USP24: variants seen among roughly 807,000 people sequenced by gnomAD.
The protein encoded by USP24 is ubiquitin carboxyl-terminal hydrolase 24.
In USP24, 97 loss-of-function variants were observed where a neutral mutation model predicts 361.6. The observed-to-expected ratio is 0.27, with a 90% CI of 0.23 to 0.32. The LOEUF is 0.32. USP24 is among the 10% of genes least tolerant of loss of function. The pLI is 1.00. For missense variants in USP24, 2,353 were observed against 3,165.6 expected (o/e 0.74, Z 6.16); for synonymous variants, 1,098 against 1,124.6 (o/e 0.98, Z 0.47).
intron 56 of USP24, among the ~76,000 whole-genome samples, chr1:55,084,748 T>C (rs993867695): frequency 1.3e-5 from 2 of 152,138 alleles, no homozygotes; most frequent in Non-Finnish European, 2.9e-5. Flanking sequence ...CAAATAGACA[T>C]GAAAATCCAT....
intron 7 of USP24, 63 bp from the exon 8 acceptor site, chr1:55,162,327 A>G: frequency 7.1e-7 from 1 of 1,403,348 alleles, no homozygotes; most frequent in Non-Finnish European, 9.5e-7. Context: ...TCAAAATTAA[A>G]CAAATCCCTT....
intron 38 of USP24, among the ~76,000 whole-genome samples, chr1:55,110,876 A>T (rs1645929343): frequency 6.6e-6 from 1 of 152,112 alleles, no homozygotes; most frequent in South Asian, 2.1e-4. Context: ...TAGTTTTCTA[A>T]CTTCTAAAAT....
At chr1:55,180,484 C>T (rs1354352790) in intron 1 of USP24, among the ~76,000 whole-genome samples, 2 of 152,168 alleles carry the variant, frequency 1.3e-5, no homozygotes, top group Non-Finnish European at 2.9e-5. Flanking sequence ...GTCCAGCCTA[C>T]AGTCATCAAG....
intron 36 of USP24, 93 bp downstream of exon 36, chr1:55,123,354 T>TGGGA (rs1367240145): frequency 1.2e-5 from 17 of 1,371,982 alleles, no homozygotes; most frequent in Non-Finnish European, 1.5e-5. Flanking sequence ...TTTTGACCAA[T>TGGGA]GGGACCTTAT....
At chr1:55,121,377 G>C in intron 37 of USP24, 59 bp downstream of exon 37, 2 of 1,496,500 alleles carry the variant, frequency 1.3e-6, no homozygotes, top group Non-Finnish European at 1.8e-6. Context: ...AGGTAGTTGA[G>C]ACAGCTCACA....
chr1:55,123,839 T>C (rs184283236), intron 35 of USP24, among the ~76,000 whole-genome samples: 2 of 152,200 alleles, frequency 1.3e-5, no homozygotes, highest in Admixed American at 6.5e-5. Context: ...TTTCAGGCGA[T>C]AGAAGTGAAA....
chr1:55,207,574 T>C (rs545822969), intron 1 of USP24, among the ~76,000 whole-genome samples: 1 of 152,056 alleles, frequency 6.6e-6, no homozygotes, highest in South Asian at 2.1e-4. Flanking sequence ...CAAGAAACAA[T>C]ATGATGTAAC....
intron 1 of USP24, among the ~76,000 whole-genome samples, chr1:55,191,232 T>C (rs962604624): frequency 2.0e-5 from 3 of 152,170 alleles, no homozygotes; most frequent in Admixed American, 6.5e-5. Flanking sequence ...ATTGGTCAGT[T>C]TACGATTAAA....
At chr1:55,197,684 G>A (rs770904521) in intron 1 of USP24, among the ~76,000 whole-genome samples, 1 of 152,070 alleles carries the variant, frequency 6.6e-6, no homozygotes, top group Non-Finnish European at 1.5e-5. Context: ...ATTCTCTATT[G>A]TATCTCCAAT....
Position 55,147,001 on chromosome 1 carries a change from C to G in USP24, c.2178G>C (p.Leu726=), listed in dbSNP as rs767875647. Residue 726 remains leucine (L), a synonymous_variant, in exon 19 of 68, where the codon CTG becomes CTC. Transcript: ENST00000294383. ...AGATCTCCTTGGCACGATTCCAGCCCAGATACAGAGTAGCTTCTTGCAAGA... is the reference window on the plus strand; with the variant it reads ...AGATCTCCTTGGCACGATTCCAGCCGAGATACAGAGTAGCTTCTTGCAAGA... ...AFFLQEATLY[L]GWNRAKEIWE... 3.7e-6 allele frequency: 6 copies of G among 1,604,692 alleles called. No homozygotes were observed. The Admixed American group carries it at 6.9e-5, about 18-fold the overall frequency.
chr1:55,078,898 A>T (rs1270982311), intron 60 of USP24, among the ~76,000 whole-genome samples: 3 of 151,996 alleles, frequency 2.0e-5, no homozygotes, highest in Non-Finnish European at 4.4e-5. Context: ...TCAAAGGCAA[A>T]AGCTCCCACA....
chr1:55,175,626 C>G (rs980641930), intron 3 of USP24, among the ~76,000 whole-genome samples: 1 of 152,082 alleles, frequency 6.6e-6, no homozygotes, highest in Admixed American at 6.6e-5. Flanking sequence ...AGCAGTTAAG[C>G]CAGCAAAAGA....
At chr1:55,089,818 T>A (rs1645335495) in intron 54 of USP24, 78 bp from the exon 55 acceptor site, 3 of 920,840 alleles carry the variant, frequency 3.3e-6, no homozygotes, top group Non-Finnish European at 5.0e-6. Flanking sequence ...TCTTGTTGGT[T>A]CTTATCCTTT....
Position 55,143,125 on chromosome 1 carries a change from C to A in USP24, c.2440-6G>T, listed in dbSNP as rs1263192565. 36 of 1,461,218 alleles carry A rather than the reference C, an allele frequency of 2.5e-5. No individual in the cohort carries two copies. The highest frequency in any genetic ancestry group is 1.1e-4 in the East Asian group (4 of 36,960). 90.5% of individuals were successfully genotyped at this position (1,461,218 alleles called of 1,614,324 possible). ...AATTCCAGCTTTTCTACATACTGTT[C>A]AAAAGAAAAAAAATTAAATTATAAA... On this transcript the variant is annotated splice_polypyrimidine_tract_variant and splice_region_variant and intron_variant, in intron 21 of 67. Coordinates refer to ENST00000294383, the MANE Select transcript of USP24 (RefSeq NM_015306.3).
At chr1:55,193,573 G>A (rs1644343555) in intron 1 of USP24, among the ~76,000 whole-genome samples, 1 of 152,060 alleles carries the variant, frequency 6.6e-6, no homozygotes, top group Non-Finnish European at 1.5e-5. Flanking sequence ...AGTTATGCTG[G>A]GCCCTCAGTT....
At chr1:55,205,180 C>G in intron 1 of USP24, among the ~76,000 whole-genome samples, 1 of 152,164 alleles carries the variant, frequency 6.6e-6, no homozygotes, top group East Asian at 1.9e-4. Context: ...AAAAGGGGCT[C>G]TAAACACAGC....
chr1:55,099,321 C>A (rs775016831), intron 45 of USP24, among the ~76,000 whole-genome samples: 1 of 152,160 alleles, frequency 6.6e-6, no homozygotes, highest in Non-Finnish European at 1.5e-5. Flanking sequence ...CTTTGGGAGG[C>A]TGAGGTGGGT....
rs182781818 is a variant in USP24 at position 55,151,585 on chromosome 1, T to C, written c.1860+2285A>G. Among the ~76,000 whole-genome samples, 4 of 151,920 alleles carry C rather than the reference T, an allele frequency of 2.6e-5. No homozygotes were observed. The East Asian group carries it at 7.7e-4, about 29-fold the overall frequency. On this transcript the variant is annotated intron_variant, in intron 16 of 67. Coordinates refer to ENST00000294383, the MANE Select transcript of USP24 (RefSeq NM_015306.3). ...TGCAGTACAACTAACTGAGGAAAAATGAGGTTTTTTTTTGGTTTAGTAATT... is the reference window on the plus strand; with the variant it reads ...TGCAGTACAACTAACTGAGGAAAAACGAGGTTTTTTTTTGGTTTAGTAATT...
intron 1 of USP24, among the ~76,000 whole-genome samples, chr1:55,186,918 T>C (rs1379512384): frequency 4.6e-5 from 7 of 152,140 alleles, no homozygotes; most frequent in Admixed American, 4.6e-4. Flanking sequence ...AAATGGTAAA[T>C]TTTATGTTAT....
Sources: allele counts gnomAD v4.1 joint callset (sites outside exome capture counted in the v4.1 genomes callset), GRCh38; gene constraint gnomAD v4.1.1; transcripts MANE v1.5; gene names NCBI Gene and HGNC (gene_info 2026-07-23, HGNC 2026-07-21).